CNTRL: variants seen among roughly 807,000 people sequenced by gnomAD.
CNTRL encodes the protein centriolin, also known as 110 kDa centrosomal protein.
In CNTRL, 233 loss-of-function variants were observed where a neutral mutation model predicts 303.7. That is an observed-to-expected ratio of 0.77 (90% CI 0.69 to 0.86). The LOEUF (loss-of-function observed/expected upper bound fraction) is 0.86. Among genes scored for constraint, CNTRL ranks in the 40% least tolerant of loss-of-function variants. The pLI, the probability that CNTRL is intolerant of heterozygous loss-of-function variation, is 0.00. For synonymous variants in CNTRL, 900 were observed against 922.2 expected, an observed-to-expected ratio of 0.98 and a Z score of 0.44; for missense variants, 2,524 against 2,650.6, an observed-to-expected ratio of 0.95 and a Z score of 1.05.
intron 34 of CNTRL, among the ~76,000 whole-genome samples, chr9:121,164,494 C>A (rs957441843): frequency 6.6e-6 from 1 of 152,180 alleles, no homozygotes; most frequent in Non-Finnish European, 1.5e-5. Context: ...TATTGATATA[C>A]ACAACATGGA....
At chr9:121,175,254 C>G in intron 43 of CNTRL, 30 bp downstream of exon 43, 1 of 1,599,200 alleles carries the variant, frequency 6.3e-7, no homozygotes, top group Non-Finnish European at 8.6e-7. Context: ...AAAAACAAAA[C>G]AATAGCCTGA....
chr9:121,130,225 C>G (rs907470419), intron 14 of CNTRL, among the ~76,000 whole-genome samples: 2 of 152,082 alleles, frequency 1.3e-5, no homozygotes, highest in African/African-American at 4.8e-5. Context: ...CTCTTTGTAC[C>G]TCTGGTAGAA....
At chr9:121,174,966 G>C in intron 42 of CNTRL, 52 bp from the exon 43 acceptor site, 1 of 1,528,056 alleles carries the variant, frequency 6.5e-7, no homozygotes, top group Non-Finnish European at 9.1e-7. Flanking sequence ...CTGAGCGGCA[G>C]TTCTGGTACA....
intron 34 of CNTRL, among the ~76,000 whole-genome samples, chr9:121,162,885 T>G (rs1308701357): frequency 1.3e-5 from 2 of 152,152 alleles, no homozygotes; most frequent in African/African-American, 2.4e-5. Context: ...AGAAATAAAC[T>G]GACATATATG....
chr9:121,078,811 G>A (rs182870979), intron 1 of CNTRL, among the ~76,000 whole-genome samples: 49 of 152,330 alleles, frequency 3.2e-4, no homozygotes, highest in African/African-American at 1.2e-3. Context: ...TATTACAAAG[G>A]ATATAGGTGA....
rs755914707 is a variant in CNTRL at position 121,148,775 on chromosome 9, A to G, written c.3563A>G (p.Lys1188Arg). 47 of 1,614,028 alleles carry G rather than the reference A, an allele frequency of 2.9e-5. No homozygotes were observed. Among genetic ancestry groups the G allele is most frequent in the Non-Finnish European group, 3.8e-5 (45 of 1,180,024 alleles). ...RKPRPGQQDG[K>R]EGSQPPPASG... ...CCACGCCCTGGGCAGCAGGATGGGA[A>G]GGAAGGCAGTCAACCTCCCCCTGCC... Residue 1188 changes from lysine (K) to arginine (R), a missense_variant, in exon 24 of 44, where the codon AAG becomes AGG. Transcript: ENST00000373855.
chr9:121,099,216 A>G (rs1300814343), intron 7 of CNTRL, among the ~76,000 whole-genome samples: 1 of 152,190 alleles, frequency 6.6e-6, no homozygotes, highest in Non-Finnish European at 1.5e-5. Context: ...CAGAGGAACA[A>G]TCAGGCAGCA....
intron 7 of CNTRL, among the ~76,000 whole-genome samples, chr9:121,104,560 A>G (rs918375442): frequency 7.7e-6 from 1 of 129,944 alleles, no homozygotes; most frequent in Non-Finnish European, 1.5e-5. Context: ...ACTATCCAAA[A>G]AGAAAAGAAA....
At chr9:121,129,648 C>A (rs1382408156) in intron 14 of CNTRL, among the ~76,000 whole-genome samples, 1 of 152,150 alleles carries the variant, frequency 6.6e-6, no homozygotes, top group Non-Finnish European at 1.5e-5. Flanking sequence ...TCTGATTGCC[C>A]TGGCCGGAAC....
Position 121,144,833 on chromosome 9 carries a change from G to T in CNTRL, c.3052-10G>T, listed in dbSNP as rs1219934810. On this transcript the variant is annotated splice_polypyrimidine_tract_variant and intron_variant, in intron 20 of 43. Transcript: ENST00000373855. ...GCAGTGGTGCCTTTCTCATACTTCT[G>T]TCCCAGTAGGAGTTGCAGGAAGCAG... 6.2e-7 allele frequency: 1 copy of T among 1,606,040 alleles called. No homozygotes were observed. Among genetic ancestry groups the T allele is most frequent in the Non-Finnish European group, 8.5e-7 (1 of 1,173,684 alleles).
chr9:121,141,560 A>C lies in CNTRL; in HGVS notation c.2663A>C (p.Gln888Pro), dbSNP rs1452606214. The C allele has an allele frequency of 1.2e-6, 2 of 1,614,132 alleles. No homozygotes were observed. Among genetic ancestry groups the C allele is most frequent in the Non-Finnish European group, 1.7e-6 (2 of 1,179,998 alleles). ...KLATGQEEFR[Q>P]ACERALEARM... ...GCAACTGGACAAGAAGAGTTCAGGC[A>C]GGCCTGTGAGAGAGCCCTGGAAGCA... The change falls in exon 18 of 44, where the codon CAG (glutamine) becomes CCG (proline). Residue 888 changes from glutamine to proline, a missense_variant. Physicochemically the swap from Gln to Pro is moderately conservative, Grantham distance 76. Transcript: ENST00000373855.
At chr9:121,167,120 G>A (rs1294241165) in intron 36 of CNTRL, among the ~76,000 whole-genome samples, 1 of 151,958 alleles carries the variant, frequency 6.6e-6, no homozygotes, top group Non-Finnish European at 1.5e-5. Flanking sequence ...GATCAGCCTG[G>A]CCAACATGGT....
intron 11 of CNTRL, 30 bp downstream of exon 11, chr9:121,115,230 A>G (rs1211009989): frequency 1.6e-6 from 2 of 1,235,934 alleles, no homozygotes; most frequent in Non-Finnish European, 2.3e-6. Context: ...CAATGCTAAG[A>G]GGAAATGAAA....
intron 15 of CNTRL, among the ~76,000 whole-genome samples, chr9:121,138,163 C>A (rs914965784): frequency 6.6e-6 from 1 of 152,136 alleles, no homozygotes; most frequent in African/African-American, 2.4e-5. Flanking sequence ...GCATTTTTAA[C>A]AGACATACCT....
At chr9:121,122,015 TC>T in intron 12 of CNTRL, 1 of 776,354 alleles carries the variant, frequency 1.3e-6, no homozygotes, top group Non-Finnish European at 1.6e-6. Context: ...AGATGTAAGT[TC>T]CTGTTTTTAC....
At chr9:121,158,617 G>A (rs2131700612) in intron 30 of CNTRL, 4 of 428,976 alleles carry the variant, frequency 9.3e-6, no homozygotes, top group Non-Finnish European at 1.6e-5. Context: ...CCTGAGGGAT[G>A]ATCATGATTA....
intron 7 of CNTRL, among the ~76,000 whole-genome samples, chr9:121,107,510 T>G (rs1225130446): frequency 6.6e-6 from 1 of 152,188 alleles, no homozygotes; most frequent in Non-Finnish European, 1.5e-5. Context: ...GATAAAATAT[T>G]GCATGTTTTT....
In CNTRL at chr9:121,124,014, G is replaced by A. The variant is rs769420983; in HGVS notation, c.1734G>A (p.Leu578=). ...AGTACCAACAACTTGAAAGTCGTTT[G>A]GATGAGATACTTTCTAGAATTGCTA... ...NKQYQQLESR[L]DEILSRIAKE... Residue 578 remains leucine, a synonymous_variant, in exon 13 of 44, where the codon TTG becomes TTA. Transcript: ENST00000373855. 6.2e-7 allele frequency: 1 copy of A among 1,612,954 alleles called. No individual in the cohort carries two copies. The highest frequency in any genetic ancestry group is 8.5e-7 in the Non-Finnish European group (1 of 1,179,528).
At chr9:121,125,092 A>G (rs2900185) in intron 13 of CNTRL, among the ~76,000 whole-genome samples, 106,160 of 151,982 alleles carry the variant, frequency 0.7, 37,576 homozygotes, top group East Asian at 0.96. Flanking sequence ...CTTATATACT[A>G]GGTGGTCTTG....
Sources: allele counts gnomAD v4.1 joint callset (sites outside exome capture counted in the v4.1 genomes callset), GRCh38; gene constraint gnomAD v4.1.1; transcripts MANE v1.5; gene names NCBI Gene and HGNC (gene_info 2026-07-23, HGNC 2026-07-21).